Variants in RIN2 observed in about 807,000 individuals in gnomAD.
The protein encoded by RIN2 is RAB5 interacting protein 2.
In RIN2, 36 loss-of-function variants were observed where a neutral mutation model predicts 78.0. The ratio of observed to expected loss-of-function variants is 0.46; its 90% CI spans 0.35 to 0.61. RIN2 has a LOEUF of 0.61. Ranked by LOEUF, RIN2 falls within the 20% of genes least tolerant of loss-of-function variation. The pLI, the probability that RIN2 is intolerant of heterozygous loss-of-function variation, is 0.00. For synonymous variants in RIN2, 466 were observed against 466.8 expected (o/e 1.00, Z 0.02); for missense variants, 1,087 against 1,159.7 (o/e 0.94, Z 0.91).
At chr20:19,993,819 A>G (rs2146403144) in intron 11 of RIN2, among the ~76,000 whole-genome samples, 1 of 152,238 alleles carries the variant, frequency 6.6e-6, no homozygotes, top group Non-Finnish European at 1.5e-5. Flanking sequence ...AATGTTTGTT[A>G]TTAATACAGT....
At chr20:19,911,604 C>T (rs1321817959) in intron 3 of RIN2, among the ~76,000 whole-genome samples, 1 of 152,232 alleles carries the variant, frequency 6.6e-6, no homozygotes, top group African/African-American at 2.4e-5. Flanking sequence ...CTCTAACCCA[C>T]AGCTCATTTT....
intron 2 of RIN2, among the ~76,000 whole-genome samples, chr20:19,852,915 G>A (rs944471983): frequency 1.1e-4 from 17 of 151,462 alleles, no homozygotes; most frequent in African/African-American, 3.9e-4. Flanking sequence ...TTAAGTTCTA[G>A]GGTACATGTG....
At chr20:19,774,427 C>A (rs2034240284) in intron 1 of RIN2, among the ~76,000 whole-genome samples, 1 of 152,102 alleles carries the variant, frequency 6.6e-6, no homozygotes, top group South Asian at 2.1e-4. Flanking sequence ...ATTTTTGCAA[C>A]TAGAGAAGAA....
chr20:19,768,466 G>T (rs766791991), intron 1 of RIN2, among the ~76,000 whole-genome samples: 3 of 152,238 alleles, frequency 2.0e-5, no homozygotes, highest in Non-Finnish European at 4.4e-5. Context: ...AGCTCTCTCT[G>T]CATGCGGGCA....
intron 1 of RIN2, among the ~76,000 whole-genome samples, chr20:19,777,677 TCCTTATAA>T (rs2034358418): frequency 6.6e-6 from 1 of 152,250 alleles, no homozygotes; most frequent in African/African-American, 2.4e-5. Flanking sequence ...GACGAGATCT[TCCTTATAA>T]TAAATGGGAT....
chr20:19,882,347 T>C (rs960514831), intron 2 of RIN2, among the ~76,000 whole-genome samples: 2 of 152,218 alleles, frequency 1.3e-5, no homozygotes, highest in Non-Finnish European at 2.9e-5. Flanking sequence ...TTACAAAGTT[T>C]ACAAGGAAAG....
rs781308563 is a variant in RIN2 at position 19,840,838 on chromosome 20, T to C, written c.-37+41091T>C. 2.0e-5 allele frequency among the ~76,000 whole-genome samples: 3 copies of C among 152,220 alleles called. No homozygotes were observed. In the South Asian group the frequency reaches 6.2e-4, roughly 32 times the overall value. ...CAGAGCAATTGATGAACAAATGTCT[T>C]TTCTTTCTAGGAACTCACAGATTTC... On this transcript the variant is annotated intron_variant, in intron 2 of 12. Transcript: ENST00000255006.
At chr20:19,845,011 G>T (rs544178927) in intron 2 of RIN2, among the ~76,000 whole-genome samples, 3 of 152,036 alleles carry the variant, frequency 2.0e-5, no homozygotes, top group African/African-American at 7.2e-5. Context: ...GTGTTAGTTT[G>T]CTGAGAATGA....
At chr20:19,814,057 G>A (rs75176068) in intron 2 of RIN2, among the ~76,000 whole-genome samples, 3,072 of 152,272 alleles carry the variant, frequency 0.02, 98 homozygotes, top group African/African-American at 0.068. Context: ...GTCGTATCAC[G>A]TGCAAGAAAC....
intron 3 of RIN2, among the ~76,000 whole-genome samples, chr20:19,909,029 TA>T (rs1420373583): frequency 6.6e-6 from 1 of 152,188 alleles, no homozygotes; most frequent in African/African-American, 2.4e-5. Flanking sequence ...CACTCCCAGC[TA>T]ACTTTGTATT....
intron 3 of RIN2, among the ~76,000 whole-genome samples, chr20:19,890,317 G>A (rs2038390094): frequency 6.6e-6 from 1 of 151,978 alleles, no homozygotes; most frequent in Non-Finnish European, 1.5e-5. Context: ...AAGACTTGGT[G>A]GTCGCTTCTG....
At chr20:19,888,405 C>A (rs542146403) in intron 2 of RIN2, among the ~76,000 whole-genome samples, 1 of 152,182 alleles carries the variant, frequency 6.6e-6, no homozygotes, top group Non-Finnish European at 1.5e-5. Flanking sequence ...CTTGTTGAAA[C>A]GTCCCTAAAT....
rs192559150 is a variant in RIN2 at position 19,887,665 on chromosome 20, G to A, written c.-36-1901G>A. The stretch of plus-strand genomic sequence containing the variant: ...CTGGAACCTAAACTGCTCCAATGCT[G>A]TAGGCAAAATTCCCTGTCTGCCCTG... On this transcript the variant is annotated intron_variant, in intron 2 of 12. Coordinates refer to ENST00000255006, the MANE Select transcript of RIN2 (RefSeq NM_018993.4). 1.4e-4 allele frequency among the ~76,000 whole-genome samples: 21 copies of A among 152,292 alleles called. No individual in the cohort carries two copies. The East Asian group carries it at 3.9e-3, about 28-fold the overall frequency.
At chr20:19,865,467 T>G (rs2037473997) in intron 2 of RIN2, among the ~76,000 whole-genome samples, 1 of 151,366 alleles carries the variant, frequency 6.6e-6, no homozygotes, top group South Asian at 2.1e-4. Context: ...CAAATTTCAT[T>G]TTAAAAGTTA....
chr20:19,999,207 G>A (rs181160204), intron 12 of RIN2, among the ~76,000 whole-genome samples: 123 of 152,164 alleles, frequency 8.1e-4, no homozygotes, highest in African/African-American at 2.5e-3. Context: ...GTGGCTTTGG[G>A]CAAGTTACGT....
chr20:19,925,069 C>A (rs1361316562), intron 3 of RIN2, among the ~76,000 whole-genome samples: 8 of 147,378 alleles, frequency 5.4e-5, no homozygotes, highest in Non-Finnish European at 1.2e-4. Flanking sequence ...CTCCTCTCAC[C>A]ACTCCTCAGC....
chr20:19,820,495 T>A (rs915986355), intron 2 of RIN2, among the ~76,000 whole-genome samples: 8 of 151,680 alleles, frequency 5.3e-5, no homozygotes, highest in African/African-American at 1.9e-4. Flanking sequence ...GGGCGAGGGG[T>A]CTGGGCATGT....
At chr20:19,843,698 C>A (rs1284716752) in intron 2 of RIN2, among the ~76,000 whole-genome samples, 1 of 152,174 alleles carries the variant, frequency 6.6e-6, no homozygotes, top group Non-Finnish European at 1.5e-5. Context: ...TGGAACCAAA[C>A]CAACAGTAAC....
In RIN2 at chr20:19,866,842, C is replaced by G. The variant is rs185553689; in HGVS notation, c.-36-22724C>G. 2.0e-5 allele frequency among the ~76,000 whole-genome samples: 3 copies of G among 152,148 alleles called. No homozygotes were observed. The East Asian group carries it at 5.8e-4, about 29-fold the overall frequency. ...GTTTCACTATGTTGACCAGGCTGAT[C>G]TCGATCTCCTGACCTCAAGCGATTC... is the stretch of plus-strand genomic sequence containing the variant. On this transcript the variant is annotated intron_variant, in intron 2 of 12. Coordinates refer to ENST00000255006, the MANE Select transcript of RIN2 (RefSeq NM_018993.4).
Sources: gnomAD v4.1 joint callset for allele counts (sites outside exome capture counted in the v4.1 genomes callset) on GRCh38, gnomAD v4.1.1 for gene constraint, MANE v1.5 for transcripts, NCBI Gene and HGNC (gene_info 2026-07-23, HGNC 2026-07-21) for gene names.